Variants in MYCBP2 observed in about 807,000 individuals in gnomAD.
The protein encoded by MYCBP2 is MYC binding protein 2.
In MYCBP2, 120 loss-of-function variants were observed where a neutral mutation model predicts 525.3. The observed-to-expected ratio is 0.23, with a 90% CI of 0.20 to 0.27. The LOEUF is 0.27. Ranked by LOEUF, MYCBP2 falls within the 10% of genes least tolerant of loss-of-function variation. The pLI is 1.00. For missense variants in MYCBP2, 4,149 were observed against 5,657.1 expected, an observed-to-expected ratio of 0.73 and a Z score of 8.55; for synonymous variants, 1,894 against 1,955.8, an observed-to-expected ratio of 0.97 and a Z score of 0.83.
Position 77,067,806 on chromosome 13 carries a change from A to C in MYCBP2, c.12230T>G (p.Ile4077Ser). 6.2e-7 allele frequency: 1 copy of C among 1,614,168 alleles called. No homozygotes were observed. The highest frequency in any genetic ancestry group is 8.5e-7 in the Non-Finnish European group (1 of 1,179,992). The change falls in exon 71 of 83, where the codon ATC becomes AGC. Residue 4077 changes from isoleucine to serine, a missense_variant. Physicochemically the swap from Ile to Ser is moderately radical, Grantham distance 142. This residue lies in a region of MYCBP2 where 148 missense variants were observed against 179.4 expected (regional missense o/e 0.82). Transcript: ENST00000544440. ...TGGGGGGAGGGATTTCACTCCTATG[A>C]TGCTGGCCAGACGACTAGGGGTTAC... ...PEVTPSRLAS[I>S]IGVKSLPPAD...
chr13:77,243,834 T>C lies in MYCBP2; in HGVS notation c.2499A>G (p.Lys833=), dbSNP rs772339363. The C allele has an allele frequency of 5.0e-6, 8 of 1,613,922 alleles. No homozygotes were observed. Among genetic ancestry groups the C allele is most frequent in the Non-Finnish European group, 6.8e-6 (8 of 1,179,928 alleles). The part of the protein sequence containing the change: ...ARQRGILDAV[K]EMIPLDLLLA... ...AAAGAAGATCTAAAGGTATCATTTC[T>C]TTCACTGCATCAAGAATTCCTCTTT... Residue 833 remains lysine (K), a synonymous_variant, in exon 16 of 83, where the codon AAA becomes AAG. Transcript: ENST00000544440.
chr13:77,070,602 T>C, intron 69 of MYCBP2, 29 bp downstream of exon 69: 4 of 1,471,704 alleles, frequency 2.7e-6, no homozygotes, highest in Non-Finnish European at 3.8e-6. Context: ...ACAAAACTAA[T>C]GAAGACAATG....
Position 77,191,732 on chromosome 13 carries a change from T to A in MYCBP2, c.4017A>T (p.Gly1339=). ...CATGAGATCCACAGTCACTGCTGGG[T>A]CCTGACACTCGGGCCCATGCCACAT... ...WWYVAWARVS[G]PSSDCGSHGQ... is the part of the protein sequence containing the mutation. Residue 1339 remains glycine (G), a synonymous_variant, in exon 28 of 83, where the codon GGA becomes GGT. Transcript: ENST00000544440. 1 of 1,614,080 alleles carries A rather than the reference T, an allele frequency of 6.2e-7. No individual in the cohort carries two copies. The highest frequency in any genetic ancestry group is 8.5e-7 in the Non-Finnish European group (1 of 1,179,974).
At chr13:77,318,297 C>T (rs2081201214) in intron 1 of MYCBP2, among the ~76,000 whole-genome samples, 1 of 152,098 alleles carries the variant, frequency 6.6e-6, no homozygotes, top group East Asian at 1.9e-4. Flanking sequence ...CAGCCATCAT[C>T]GGTAATTTTT....
chr13:77,290,885 C>A (rs1277529430), intron 2 of MYCBP2, among the ~76,000 whole-genome samples: 1 of 151,820 alleles, frequency 6.6e-6, no homozygotes, highest in Non-Finnish European at 1.5e-5. Context: ...CATCTCAAAG[C>A]AAAATAAATT....
At chr13:77,193,336 C>T (rs1182911270) in intron 27 of MYCBP2, among the ~76,000 whole-genome samples, 1 of 152,094 alleles carries the variant, frequency 6.6e-6, no homozygotes, top group African/African-American at 2.4e-5. Context: ...TTTAGATTTA[C>T]TCTTTTGTTT....
chr13:77,297,898 T>G (rs183888895), intron 1 of MYCBP2, among the ~76,000 whole-genome samples: 2 of 152,352 alleles, frequency 1.3e-5, no homozygotes, highest in African/African-American at 4.8e-5. Context: ...ACCTCTTACC[T>G]GGACCACTGC....
chr13:77,233,374 T>C, intron 17 of MYCBP2, 111 bp from the exon 18 acceptor site: 1 of 855,148 alleles, frequency 1.2e-6, no homozygotes, highest in Non-Finnish European at 1.8e-6. Context: ...TTAACGGTTT[T>C]GGACATTATA....
At chr13:77,184,891 C>G (rs1238748157) in intron 32 of MYCBP2, among the ~76,000 whole-genome samples, 1 of 152,184 alleles carries the variant, frequency 6.6e-6, no homozygotes, top group Non-Finnish European at 1.5e-5. Context: ...CAATCAGCAA[C>G]TGCACAATGT....
chr13:77,301,890 A>G (rs1409739719), intron 1 of MYCBP2, among the ~76,000 whole-genome samples: 2 of 152,214 alleles, frequency 1.3e-5, no homozygotes, highest in African/African-American at 4.8e-5. Context: ...AAACTGAAAA[A>G]TAAACATCTG....
intron 1 of MYCBP2, among the ~76,000 whole-genome samples, chr13:77,306,327 T>C (rs1481533171): frequency 6.6e-6 from 1 of 152,220 alleles, no homozygotes; most frequent in Non-Finnish European, 1.5e-5. Context: ...GGAATAGTTA[T>C]CTCATTACTA....
At chr13:77,059,648 A>G (rs2038908029) in intron 76 of MYCBP2, 22 bp from the exon 77 acceptor site, 1 of 1,564,652 alleles carries the variant, frequency 6.4e-7, no homozygotes, top group Non-Finnish European at 8.8e-7. Flanking sequence ...CAGAAAAATA[A>G]AAATCCTTCT....
intron 29 of MYCBP2, among the ~76,000 whole-genome samples, chr13:77,189,976 T>C (rs1344548081): frequency 6.6e-6 from 1 of 152,150 alleles, no homozygotes; most frequent in Non-Finnish European, 1.5e-5. Context: ...AATCAATGGA[T>C]AGATTTTTTT....
chr13:77,072,634 C>T (rs921333218), intron 68 of MYCBP2, among the ~76,000 whole-genome samples: 1 of 152,040 alleles, frequency 6.6e-6, no homozygotes, highest in African/African-American at 2.4e-5. Flanking sequence ...ACTGATGAAT[C>T]TTTAGAGAAA....
chr13:77,233,245 C>T lies in MYCBP2; in HGVS notation c.2648G>A (p.Gly883Asp), dbSNP rs1228090049. ...EEGRGPLVFA[G>D]PIFMNHREQA... Reference sequence around the variant, plus strand: ...TTCTCGATGGTTCATAAAAATAGGACCAGCAAATACAAGGGGGCCTGAGGA... The same window carrying T: ...TTCTCGATGGTTCATAAAAATAGGATCAGCAAATACAAGGGGGCCTGAGGA... The change falls in exon 18 of 83, where the codon GGT becomes GAT. Residue 883 changes from glycine (G) to aspartate (D), a missense_variant. Around this residue, in one of 21 missense-constraint regions of MYCBP2, gnomAD observed 620 missense variants for 795.5 expected, o/e 0.78. Transcript: ENST00000544440. The T allele has an allele frequency of 6.2e-7, 1 of 1,612,982 alleles. No individual in the cohort carries two copies. The highest frequency in any genetic ancestry group is 8.5e-7 in the Non-Finnish European group (1 of 1,179,504).
Position 77,095,393 on chromosome 13 carries a change from C to T in MYCBP2, c.10164G>A (p.Val3388=). The change falls in exon 58 of 83, where the codon GTG becomes GTA. Residue 3388 remains valine (V), a synonymous_variant. Transcript: ENST00000544440. The part of the protein sequence containing the change: ...VKEGISEDLP[V]KMPCLYLQTL... ...TCTGCAGGTAGAGACAAGGCATTTT[C>T]ACAGGAAGATCCTCAGAAATGCCTT... The T allele has an allele frequency of 6.2e-7, 1 of 1,613,376 alleles. No individual in the cohort carries two copies. The highest frequency in any genetic ancestry group is 8.5e-7 in the Non-Finnish European group (1 of 1,179,658).
In MYCBP2 at chr13:77,132,481, T is replaced by A. The variant is rs1225146184; in HGVS notation, c.7660-5939A>T. On this transcript the variant is annotated intron_variant, in intron 52 of 82. Transcript: ENST00000544440. Reference sequence around the variant, plus strand: ...GGTTCCAAAATTTGGAAAATCAGTATACTTTCTATATGTGAACACCCATCA... The same window carrying A: ...GGTTCCAAAATTTGGAAAATCAGTAAACTTTCTATATGTGAACACCCATCA... Among the ~76,000 whole-genome samples, 7 of 152,150 alleles carry A rather than the reference T, an allele frequency of 4.6e-5. No homozygotes were observed. In the South Asian group the frequency reaches 1.4e-3, roughly 32 times the overall value.
chr13:77,219,476 A>G (rs750756672), intron 20 of MYCBP2, among the ~76,000 whole-genome samples: 1 of 151,692 alleles, frequency 6.6e-6, no homozygotes, highest in Non-Finnish European at 1.5e-5. Context: ...TTTTTTAATG[A>G]TAAGAGATTT....
chr13:77,154,704 A>G (rs1383168844), intron 46 of MYCBP2, among the ~76,000 whole-genome samples: 3 of 152,118 alleles, frequency 2.0e-5, no homozygotes, highest in Non-Finnish European at 4.4e-5. Flanking sequence ...TCATCAGTGA[A>G]TACACAATAT....
Sources: gnomAD v4.1 joint callset for allele counts (sites outside exome capture counted in the v4.1 genomes callset) on GRCh38, gnomAD v4.1.1 for gene constraint, gnomAD v4.1.1 regional missense constraint, MANE v1.5 for transcripts, NCBI Gene and HGNC (gene_info 2026-07-23, HGNC 2026-07-21) for gene names.